The following CNTLN variants were observed in gnomAD, a reference collection of about 807,000 sequenced individuals.
CNTLN encodes centlein.
Under a neutral mutation model 180.0 loss-of-function variants are expected in CNTLN, and 212 were observed. That is an observed-to-expected ratio of 1.18 (90% CI 1.05 to 1.32). The LOEUF (loss-of-function observed/expected upper bound fraction) is 1.32, where lower values mean the gene tolerates loss of function less well. Ranked by LOEUF, CNTLN falls within the 40% of genes most tolerant of loss-of-function variation. The pLI is 0.00. For missense variants in CNTLN, 2,095 were observed against 1,610.9 expected (o/e 1.30, Z -5.14); for synonymous variants, 722 against 563.1 (o/e 1.28, Z -3.99).
In CNTLN at chr9:17,442,895, A is replaced by T. The variant is rs192119698; in HGVS notation, c.3115-14629A>T. ...AGTAGATCTCATGTTTTTTTACCAC[A>T]ATAAAAAAGGTAAAAATTTTCTGAT... is the stretch of plus-strand genomic sequence containing the variant. On this transcript the variant is annotated intron_variant, in intron 18 of 25. Coordinates refer to ENST00000380647, the MANE Select transcript of CNTLN (RefSeq NM_017738.4). Among the ~76,000 whole-genome samples, 481 of 152,206 alleles carry T rather than the reference A, an allele frequency of 3.2e-3. 6 individuals are homozygous for T. Among genetic ancestry groups the T allele is most frequent in the African/African-American group, 0.011 (460 of 41,466 alleles).
At chr9:17,194,948 C>T (rs144885703) in intron 2 of CNTLN, among the ~76,000 whole-genome samples, 10 of 152,146 alleles carry the variant, frequency 6.6e-5, no homozygotes, top group African/African-American at 2.2e-4. Flanking sequence ...CTGATAAAAC[C>T]ATCAGATCTC....
At chr9:17,147,575 C>A (rs142556335) in intron 2 of CNTLN, among the ~76,000 whole-genome samples, 1 of 152,036 alleles carries the variant, frequency 6.6e-6, no homozygotes, top group Admixed American at 6.6e-5. Context: ...TGAGTCTATG[C>A]TTCTGTTTTT....
At chr9:17,279,706 T>C (rs145902241) in intron 6 of CNTLN, among the ~76,000 whole-genome samples, 2,368 of 152,178 alleles carry the variant, frequency 0.016, 64 homozygotes, top group African/African-American at 0.054. Context: ...ACCTGGTCTT[T>C]AAAGGGATAG....
At chr9:17,465,268 T>C (rs1831682669) in intron 21 of CNTLN, among the ~76,000 whole-genome samples, 1 of 150,760 alleles carries the variant, frequency 6.6e-6, no homozygotes, top group South Asian at 2.1e-4. Context: ...TTAGGTCAAA[T>C]TGATTTAAGA....
intron 5 of CNTLN, among the ~76,000 whole-genome samples, chr9:17,255,439 A>C (rs1484480800): frequency 6.8e-6 from 1 of 146,106 alleles, no homozygotes; most frequent in Non-Finnish European, 1.5e-5. Flanking sequence ...GTATCGAGTG[A>C]AATGCTTGTA....
At chr9:17,490,278 T>G (rs1200858067) in intron 25 of CNTLN, among the ~76,000 whole-genome samples, 2 of 152,092 alleles carry the variant, frequency 1.3e-5, no homozygotes, top group African/African-American at 2.4e-5. Context: ...CTGGCCATGG[T>G]ATTAGAAAGG....
At chr9:17,303,072 T>C (rs1444770825) in intron 7 of CNTLN, among the ~76,000 whole-genome samples, 2 of 152,216 alleles carry the variant, frequency 1.3e-5, no homozygotes, top group African/African-American at 4.8e-5. Context: ...GGTATTGTTA[T>C]TTTTATCCCT....
At chr9:17,304,314 T>C (rs1818562297) in intron 7 of CNTLN, among the ~76,000 whole-genome samples, 1 of 152,154 alleles carries the variant, frequency 6.6e-6, no homozygotes, top group Non-Finnish European at 1.5e-5. Context: ...ATGTGTTCTC[T>C]TCCTCTGAGC....
chr9:17,248,323 C>T (rs183111577), intron 5 of CNTLN, among the ~76,000 whole-genome samples: 2 of 151,984 alleles, frequency 1.3e-5, no homozygotes, highest in South Asian at 2.1e-4. Flanking sequence ...TATTCTTCTT[C>T]AGAAGTTGGG....
intron 2 of CNTLN, among the ~76,000 whole-genome samples, chr9:17,201,394 G>C (rs1479723507): frequency 6.6e-6 from 1 of 152,144 alleles, no homozygotes; most frequent in Non-Finnish European, 1.5e-5. Flanking sequence ...GTTTGGAATA[G>C]TTTCAGAAGG....
At chr9:17,409,928 T>C (rs970133259) in intron 16 of CNTLN, among the ~76,000 whole-genome samples, 1 of 152,128 alleles carries the variant, frequency 6.6e-6, no homozygotes, top group African/African-American at 2.4e-5. Flanking sequence ...TGCTGATACA[T>C]CATGGCACCA....
chr9:17,525,154 C>T, the CNTLN span, among the ~76,000 whole-genome samples: 1 of 152,102 alleles, frequency 6.6e-6, no homozygotes, highest in African/African-American at 2.4e-5. Flanking sequence ...TCAGCCAAAA[C>T]ATTACCCAAA....
At chr9:17,510,000 G>C in the CNTLN span, among the ~76,000 whole-genome samples, 2 of 152,094 alleles carry the variant, frequency 1.3e-5, no homozygotes, top group African/African-American at 4.8e-5. Flanking sequence ...AGGGGAAATT[G>C]GACTACTACT....
chr9:17,274,133 G>A (rs917398661), intron 6 of CNTLN, among the ~76,000 whole-genome samples: 5 of 151,914 alleles, frequency 3.3e-5, no homozygotes, highest in African/African-American at 9.7e-5. Flanking sequence ...TTCATTCATT[G>A]TTTTCTTCTA....
chr9:17,198,702 C>T (rs1408173747), intron 2 of CNTLN, among the ~76,000 whole-genome samples: 3 of 151,372 alleles, frequency 2.0e-5, no homozygotes, highest in Admixed American at 2.0e-4. Flanking sequence ...CCAACAGGCC[C>T]CTGTGTGTGA....
intron 5 of CNTLN, among the ~76,000 whole-genome samples, chr9:17,239,173 C>T (rs1222493600): frequency 6.6e-6 from 1 of 152,134 alleles, no homozygotes; most frequent in Non-Finnish European, 1.5e-5. Context: ...CAAATTACTA[C>T]AGGCGCGTGC....
At chr9:17,490,357 G>GA (rs1833094022) in intron 25 of CNTLN, among the ~76,000 whole-genome samples, 1 of 152,018 alleles carries the variant, frequency 6.6e-6, no homozygotes, top group South Asian at 2.1e-4. Context: ...GATGAAAGGG[G>GA]TCTGGGTGGA....
intron 1 of CNTLN, among the ~76,000 whole-genome samples, chr9:17,141,657 G>C (rs530436878): frequency 2.6e-5 from 4 of 152,174 alleles, no homozygotes; most frequent in Non-Finnish European, 5.9e-5. Context: ...TACATAGCTG[G>C]GCAAGAGACG....
intron 18 of CNTLN, among the ~76,000 whole-genome samples, chr9:17,424,035 A>G (rs1828914608): frequency 6.6e-6 from 1 of 152,074 alleles, no homozygotes; most frequent in South Asian, 2.1e-4. Context: ...TCCCTGGATA[A>G]TTGTTGAATT....
Sources: gnomAD v4.1 joint callset for allele counts (sites outside exome capture counted in the v4.1 genomes callset) on GRCh38, gnomAD v4.1.1 for gene constraint, MANE v1.5 for transcripts, NCBI Gene and HGNC (gene_info 2026-07-23, HGNC 2026-07-21) for gene names.